The following ATP8A2 variants were observed in gnomAD, a reference collection of about 807,000 sequenced individuals.
The protein encoded by ATP8A2 is phospholipid-transporting ATPase IB.
In ATP8A2, 100 loss-of-function variants were observed where a neutral mutation model predicts 165.6. That is an observed-to-expected ratio of 0.60 (90% confidence interval 0.51 to 0.71). The LOEUF (loss-of-function observed/expected upper bound fraction) is 0.71. Among genes scored for constraint, ATP8A2 ranks in the 30% least tolerant of loss-of-function variants. The pLI, the probability that ATP8A2 is intolerant of heterozygous loss-of-function variation, is 0.00. For missense variants in ATP8A2, 1,227 were observed against 1,479.5 expected (o/e 0.83, Z 2.80); for synonymous variants, 543 against 548.8 (o/e 0.99, Z 0.15).
chr13:25,861,478 A>G (rs1952350325), intron 32 of ATP8A2, among the ~76,000 whole-genome samples: 1 of 152,206 alleles, frequency 6.6e-6, no homozygotes, highest in South Asian at 2.1e-4. Flanking sequence ...TAAAGATTAT[A>G]ACTAAAGCTT....
chr13:25,739,421 T>TCG (rs2043858684), intron 25 of ATP8A2, among the ~76,000 whole-genome samples: 2 of 152,240 alleles, frequency 1.3e-5, no homozygotes, highest in Non-Finnish European at 2.9e-5. Flanking sequence ...AGGAAACCTA[T>TCG]GGATTTTTAA....
intron 25 of ATP8A2, among the ~76,000 whole-genome samples, chr13:25,702,880 T>G (rs969609692): frequency 2.0e-5 from 3 of 152,196 alleles, no homozygotes; most frequent in African/African-American, 7.2e-5. Context: ...TTAAGTTATC[T>G]GTCTCCTTTA....
At position 25,675,121 on chromosome 13, in the gene ATP8A2, TA is replaced by T. The variant is rs542761161; in HGVS notation, c.2212-24049del. Among the ~76,000 whole-genome samples, 55 of 152,332 alleles carry T rather than the reference TA, an allele frequency of 3.6e-4. No individual in the cohort carries two copies. The East Asian group carries it at 0.01, about 29-fold the overall frequency. ...GTACAGCTAGATTGTTTGCCTTTTGTAAAGGTGAGCATATGAAGCAGACATG... is the reference window on the plus strand; with the variant it reads ...GTACAGCTAGATTGTTTGCCTTTTGTAAGGTGAGCATATGAAGCAGACATG... On this transcript the variant is annotated intron_variant, in intron 24 of 36. Coordinates refer to ENST00000381655, the MANE Select transcript of ATP8A2 (RefSeq NM_016529.6).
chr13:25,913,955 C>T (rs985304473), intron 33 of ATP8A2, among the ~76,000 whole-genome samples: 1 of 152,054 alleles, frequency 6.6e-6, no homozygotes, highest in Admixed American at 6.6e-5. Flanking sequence ...ATGTTTGTTC[C>T]CTGAGCAGTA....
chr13:25,465,663 TTTTCTTTCTTTCTTTCTTTCTTTCTTTC>T (rs1174243477), intron 1 of ATP8A2, among the ~76,000 whole-genome samples: 21 of 86,450 alleles, frequency 2.4e-4, no homozygotes, highest in African/African-American at 9.3e-4. Context: ...TCTTGCAGAG[TTTTCTTTCTTTCTTTCTTTCTTTCTTTC>T]TTTCTTTCTT....
At chr13:25,731,296 GAA>G (rs1491465971) in intron 25 of ATP8A2, among the ~76,000 whole-genome samples, 7 of 147,896 alleles carry the variant, frequency 4.7e-5, no homozygotes, top group African/African-American at 7.4e-5. Context: ...AAGAGAGAGA[GAA>G]AGAAAGAAAA....
chr13:25,892,256 G>A (rs573189453), intron 33 of ATP8A2, among the ~76,000 whole-genome samples: 3 of 152,120 alleles, frequency 2.0e-5, no homozygotes, highest in East Asian at 1.9e-4. Context: ...GATTACAGGT[G>A]TGAGCCACTG....
chr13:25,898,350 G>A (rs1017568674), intron 33 of ATP8A2, among the ~76,000 whole-genome samples: 1 of 152,212 alleles, frequency 6.6e-6, no homozygotes, highest in African/African-American at 2.4e-5. Flanking sequence ...GGATACTGGT[G>A]AACTGCTAAT....
At chr13:25,833,020 T>A (rs1392008791) in intron 28 of ATP8A2, among the ~76,000 whole-genome samples, 2 of 151,554 alleles carry the variant, frequency 1.3e-5, no homozygotes, top group Admixed American at 6.6e-5. Flanking sequence ...ACCAGATAAA[T>A]GATAAATATA....
chr13:25,766,640 T>G (rs2044496613), intron 25 of ATP8A2, among the ~76,000 whole-genome samples: 1 of 152,202 alleles, frequency 6.6e-6, no homozygotes, highest in Non-Finnish European at 1.5e-5. Flanking sequence ...TGATTTATTG[T>G]TGAAACTGTG....
chr13:25,770,680 T>C (rs1289262472), intron 26 of ATP8A2, among the ~76,000 whole-genome samples: 1 of 152,198 alleles, frequency 6.6e-6, no homozygotes, highest in African/African-American at 2.4e-5. Flanking sequence ...CATATCTAGA[T>C]GATTTGGCCT....
At chr13:25,891,529 G>T (rs1012178896) in intron 33 of ATP8A2, among the ~76,000 whole-genome samples, 1 of 152,038 alleles carries the variant, frequency 6.6e-6, no homozygotes, top group African/African-American at 2.4e-5. Context: ...CACCAGGTTG[G>T]CCAGGCTGGT....
chr13:25,440,388 C>A (rs1394429889), intron 1 of ATP8A2, among the ~76,000 whole-genome samples: 1 of 152,132 alleles, frequency 6.6e-6, no homozygotes, highest in African/African-American at 2.4e-5. Context: ...ACATTGCTCC[C>A]CCTCGTCCTG....
At chr13:25,769,849 A>G (rs1259439197) in intron 26 of ATP8A2, among the ~76,000 whole-genome samples, 1 of 152,222 alleles carries the variant, frequency 6.6e-6, no homozygotes, top group East Asian at 1.9e-4. Flanking sequence ...AGTTCAGTCC[A>G]GCGGAGGCTG....
intron 27 of ATP8A2, among the ~76,000 whole-genome samples, chr13:25,779,780 T>A (rs1259403606): frequency 1.3e-5 from 2 of 152,194 alleles, no homozygotes; most frequent in African/African-American, 4.8e-5. Context: ...TTAAAACTCT[T>A]TGATGTTGAC....
intron 23 of ATP8A2, among the ~76,000 whole-genome samples, chr13:25,584,431 G>A (rs1469444737): frequency 6.6e-6 from 1 of 152,148 alleles, no homozygotes; most frequent in Non-Finnish European, 1.5e-5. Flanking sequence ...TGCATCCTGT[G>A]TGGATTTTAA....
intron 24 of ATP8A2, among the ~76,000 whole-genome samples, chr13:25,669,250 A>G (rs2042216782): frequency 6.6e-6 from 1 of 152,070 alleles, no homozygotes; most frequent in African/African-American, 2.4e-5. Context: ...CAAAGGTTGC[A>G]TTCTTTACTG....
intron 1 of ATP8A2, among the ~76,000 whole-genome samples, chr13:25,449,208 G>C (rs533883421): frequency 2.0e-5 from 3 of 152,006 alleles, no homozygotes; most frequent in African/African-American, 4.8e-5. Context: ...TAAAGAAAGC[G>C]TCTTTATTTT....
chr13:25,533,830 G>C (rs1372694945), intron 6 of ATP8A2, among the ~76,000 whole-genome samples: 1 of 152,114 alleles, frequency 6.6e-6, no homozygotes, highest in Non-Finnish European at 1.5e-5. Flanking sequence ...TGGTTTTTTG[G>C]TTGTTTATGG....
Sources: allele counts gnomAD v4.1 joint callset (sites outside exome capture counted in the v4.1 genomes callset), GRCh38; gene constraint gnomAD v4.1.1; transcripts MANE v1.5; gene names NCBI Gene and HGNC (gene_info 2026-07-23, HGNC 2026-07-21).